Variants in HHLA2 observed in about 807,000 individuals in gnomAD.
HHLA2 encodes HERV-H LTR-associating protein 2.
A neutral mutation model predicts 45.9 loss-of-function variants in HHLA2; 48 were observed. The ratio of observed to expected loss-of-function variants is 1.05; its 90% CI spans 0.83 to 1.33. The LOEUF (loss-of-function observed/expected upper bound fraction) is 1.33. HHLA2 is among the 40% of genes most tolerant of loss of function. The pLI, the probability that HHLA2 is intolerant of heterozygous loss-of-function variation, is 0.00. For synonymous variants in HHLA2, 161 were observed against 173.9 expected, an observed-to-expected ratio of 0.93 and a Z score of 0.59; for missense variants, 462 against 494.3, an observed-to-expected ratio of 0.93 and a Z score of 0.62.
chr3:108,362,204 A>T, intron 7 of HHLA2, 138 bp from the exon 7 acceptor site: 1 of 640,754 alleles, frequency 1.6e-6, no homozygotes. Context: ...TTTCATATGA[A>T]TTCAGCCTCC....
At position 108,362,381 on chromosome 3, in the gene HHLA2, G is replaced by A; in HGVS notation, c.1043G>A (p.Trp348Ter). 2 of 1,612,752 alleles carry A rather than the reference G, an allele frequency of 1.2e-6. No homozygotes were observed. The highest frequency in any genetic ancestry group is 2.2e-5 in the East Asian group (1 of 44,838). The change falls in exon 8 of 11, where the codon TGG becomes TAG. Residue 348 changes from tryptophan (W) to a stop codon, truncating the protein, a stop_gained. Transcript: ENST00000619531. LOFTEE classifies it high-confidence loss of function. The stretch of plus-strand genomic sequence containing the variant: ...ACAGCTTCCCATAACAAAGGCTTAT[G>A]GATTTTGGTGCCCTCTGCGATTTTG...
chr3:108,316,764 T>A (rs1028393760), intron 2 of HHLA2, among the ~76,000 whole-genome samples: 8 of 152,232 alleles, frequency 5.3e-5, no homozygotes, highest in Non-Finnish European at 1.2e-4. Context: ...GCTTACTAAA[T>A]CGCACGCTTT....
intron 1 of HHLA2, among the ~76,000 whole-genome samples, chr3:108,300,431 C>A (rs1205446010): frequency 6.6e-6 from 1 of 152,082 alleles, no homozygotes; most frequent in Non-Finnish European, 1.5e-5. Context: ...TTAGACGAAA[C>A]CAGTTAGGGG....
intron 7 of HHLA2, 108 bp downstream of exon 6, chr3:108,358,269 T>G: frequency 2.8e-6 from 2 of 710,234 alleles, no homozygotes; most frequent in Non-Finnish European, 4.5e-6. Context: ...TGATACCCTC[T>G]CAAAATATAA....
chr3:108,370,087 C>T (rs1332079439), intron 8 of HHLA2, among the ~76,000 whole-genome samples: 3 of 152,318 alleles, frequency 2.0e-5, no homozygotes, highest in Non-Finnish European at 2.9e-5. Flanking sequence ...ACACCTCACA[C>T]GGCCGGGTAC....
At chr3:108,364,574 C>A (rs2082033752) in intron 8 of HHLA2, among the ~76,000 whole-genome samples, 1 of 152,226 alleles carries the variant, frequency 6.6e-6, no homozygotes, top group Non-Finnish European at 1.5e-5. Context: ...GCCACACTGT[C>A]TTCCACAATG....
chr3:108,343,584 G>C (rs1457028572), intron 3 of HHLA2, among the ~76,000 whole-genome samples: 1 of 152,158 alleles, frequency 6.6e-6, no homozygotes, highest in Non-Finnish European at 1.5e-5. Flanking sequence ...ATAAAGATTG[G>C]ATTTGCCTAT....
At chr3:108,351,206 TG>T (rs1251652859) in intron 3 of HHLA2, among the ~76,000 whole-genome samples, 1 of 152,236 alleles carries the variant, frequency 6.6e-6, no homozygotes, top group Non-Finnish European at 1.5e-5. Flanking sequence ...TTGTAACCCA[TG>T]AATTTAATGG....
At chr3:108,333,838 A>T (rs2081428000) in intron 3 of HHLA2, among the ~76,000 whole-genome samples, 1 of 152,136 alleles carries the variant, frequency 6.6e-6, no homozygotes, top group African/African-American at 2.4e-5. Context: ...ACGCTAGATG[A>T]CATTGAATTC....
chr3:108,362,317 C>G (rs948365249), intron 7 of HHLA2, 25 bp from the exon 7 acceptor site: 28 of 1,556,430 alleles, frequency 1.8e-5, no homozygotes, highest in Non-Finnish European at 2.4e-5. Context: ...AGTTCACAGA[C>G]TTTGTTTCTC....
Position 108,358,474 on chromosome 3 carries a change from A to G in HHLA2, c.1003+313A>G, listed in dbSNP as rs138908269. On this transcript the variant is annotated intron_variant, in intron 7 of 10. Transcript: ENST00000619531. ...ATTTCTGCTCACTGCTGTGCCTAAT[A>G]TATACCTTAGGCCTAGGGTTTGGGG... Among the ~76,000 whole-genome samples, 507 of 152,252 alleles carry G rather than the reference A, an allele frequency of 3.3e-3. 1 individual carries two copies. The highest frequency in any genetic ancestry group is 5.1e-3 in the Non-Finnish European group (349 of 68,020).
At chr3:108,300,641 C>T (rs950905901) in intron 1 of HHLA2, among the ~76,000 whole-genome samples, 2 of 152,024 alleles carry the variant, frequency 1.3e-5, no homozygotes, top group Admixed American at 6.5e-5. Context: ...TTCATTATCA[C>T]GAGGGAAGCT....
At chr3:108,309,493 G>C (rs2107306396) in intron 1 of HHLA2, among the ~76,000 whole-genome samples, 1 of 152,140 alleles carries the variant, frequency 6.6e-6, no homozygotes, top group South Asian at 2.1e-4. Flanking sequence ...GTAGCAGTTA[G>C]GTCTTCTTAG....
intron 8 of HHLA2, among the ~76,000 whole-genome samples, chr3:108,370,684 A>G (rs1375355781): frequency 6.6e-6 from 1 of 152,226 alleles, no homozygotes; most frequent in Non-Finnish European, 1.5e-5. Context: ...ACGAATTCAC[A>G]AGCCTCAGTA....
chr3:108,367,309 AT>A (rs2082080658), intron 8 of HHLA2, among the ~76,000 whole-genome samples: 1 of 152,148 alleles, frequency 6.6e-6, no homozygotes, highest in Admixed American at 6.5e-5. Context: ...CTTCCAAATG[AT>A]TGTAACTCCT....
At chr3:108,373,344 CTATCTGTGACAAACCCACAGCCAA>C (rs2082213998) in intron 8 of HHLA2, among the ~76,000 whole-genome samples, 1 of 152,118 alleles carries the variant, frequency 6.6e-6, no homozygotes, top group South Asian at 2.1e-4. Context: ...ATAATAAGAG[CTATCTGTGACAAACCCACAGCCAA>C]TATCATACTG....
chr3:108,301,844 C>T (rs958076598), intron 1 of HHLA2, among the ~76,000 whole-genome samples: 4 of 152,110 alleles, frequency 2.6e-5, no homozygotes, highest in South Asian at 2.1e-4. Flanking sequence ...TCTATTGTTT[C>T]TCTTCTGCTT....
intron 3 of HHLA2, among the ~76,000 whole-genome samples, chr3:108,350,901 T>C (rs1337901865): frequency 1.3e-5 from 2 of 152,188 alleles, no homozygotes; most frequent in Non-Finnish European, 2.9e-5. Context: ...GCTAGGCTGG[T>C]CTTGAACTCC....
intron 8 of HHLA2, among the ~76,000 whole-genome samples, chr3:108,364,007 G>A (rs935142065): frequency 4.6e-5 from 7 of 151,706 alleles, no homozygotes; most frequent in African/African-American, 1.5e-4. Flanking sequence ...TTAAGTTCTG[G>A]GATACATGTG....
Sources: allele counts gnomAD v4.1 joint callset (sites outside exome capture counted in the v4.1 genomes callset), GRCh38; gene constraint gnomAD v4.1.1; transcripts MANE v1.5; gene names NCBI Gene and HGNC (gene_info 2026-07-23, HGNC 2026-07-21).